The following GSDMC variants were observed in gnomAD, a reference collection of about 807,000 sequenced individuals.
GSDMC encodes the protein gasdermin C.
Under a neutral mutation model 58.0 loss-of-function variants are expected in GSDMC, and 59 were observed. The ratio of observed to expected loss-of-function variants is 1.02; its 90% CI spans 0.82 to 1.26. GSDMC has a LOEUF of 1.26. Ranked by LOEUF, GSDMC falls within the 50% of genes most tolerant of loss-of-function variation. The pLI is 0.00. For synonymous variants in GSDMC, 241 were observed against 220.2 expected (o/e 1.09, Z -0.83); for missense variants, 659 against 598.5 (o/e 1.10, Z -1.06).
At chr8:129,774,192 T>C (rs1348510920) in intron 3 of GSDMC, among the ~76,000 whole-genome samples, 3 of 152,090 alleles carry the variant, frequency 2.0e-5, no homozygotes, top group Non-Finnish European at 4.4e-5. Flanking sequence ...GGCACTTGCA[T>C]AAAAACAGAC....
the GSDMC span, chr8:129,706,709 C>A: frequency 1.3e-5 from 2 of 152,168 alleles, no homozygotes; most frequent in African/African-American, 4.8e-5. Context: ...AGCAACTCCC[C>A]AAAAAGTTCA....
Position 129,748,751 on chromosome 8 carries a change from G to C in GSDMC, c.1288-11C>G. ...CAGGATGCTCCTTACCTAGAAGAAA[G>C]ATGATCAGGTTCTACAGACCAGCCT... On this transcript the variant is annotated splice_polypyrimidine_tract_variant and intron_variant, in intron 13 of 13. Transcript: ENST00000276708. The C allele has an allele frequency of 6.6e-7, 1 of 1,508,204 alleles. No homozygotes were observed. The highest frequency in any genetic ancestry group is 1.4e-5 in the African/African-American group (1 of 70,510). The allele number at this position is 1,508,204 out of a possible 1,614,324, so 93.4% of individuals were successfully genotyped here. A position where few individuals can be genotyped will look rare whatever the true frequency, so the allele number is the denominator to read the frequency against.
chr8:129,735,470 T>C, the GSDMC span, among the ~76,000 whole-genome samples: 3 of 152,176 alleles, frequency 2.0e-5, no homozygotes, highest in Non-Finnish European at 4.4e-5. Context: ...CAGACCACAG[T>C]GCAATCAAAT....
chr8:129,784,922 A>G (rs2034515423), intron 1 of GSDMC, among the ~76,000 whole-genome samples: 1 of 152,186 alleles, frequency 6.6e-6, no homozygotes, highest in Admixed American at 6.5e-5. Context: ...CATAAAAAAG[A>G]ATGAGATTGG....
At chr8:129,747,284 T>C (rs2130303047), downstream of GSDMC, among the ~76,000 whole-genome samples, 1 of 151,668 alleles carries the variant, frequency 6.6e-6, no homozygotes, top group Admixed American at 6.6e-5. Flanking sequence ...TGATAAAGAA[T>C]TAACACTAAA....
chr8:129,712,983 CG>C, the GSDMC span, among the ~76,000 whole-genome samples: 2 of 152,128 alleles, frequency 1.3e-5, no homozygotes, highest in African/African-American at 4.8e-5. Context: ...TCAGGGATGT[CG>C]GGGTGAGGAG....
the GSDMC span, among the ~76,000 whole-genome samples, chr8:129,715,105 A>G: frequency 0.95 from 143,965 of 152,030 alleles, 68,253 homozygotes; most frequent in East Asian, 1. Context: ...AAAGCTCAGA[A>G]AAACCACTAA....
chr8:129,751,230 T>A (rs1404230132), intron 10 of GSDMC, among the ~76,000 whole-genome samples: 1 of 152,170 alleles, frequency 6.6e-6, no homozygotes, highest in Admixed American at 6.5e-5. Flanking sequence ...AAGGGGTGGA[T>A]GCTGGGGGCC....
At chr8:129,749,666 C>T (rs1206906006) in intron 12 of GSDMC, 141 bp from the exon 13 acceptor site, 2 of 676,320 alleles carry the variant, frequency 3.0e-6, no homozygotes, top group African/African-American at 1.8e-5. Flanking sequence ...AAGCTCCCTG[C>T]CCTGGGAAGC....
the GSDMC span, chr8:129,728,999 G>C: frequency 7.5e-6 from 5 of 662,300 alleles, no homozygotes; most frequent in Non-Finnish European, 1.4e-5. Flanking sequence ...CCAAGAGCTT[G>C]CTGCACGATG....
intron 6 of GSDMC, among the ~76,000 whole-genome samples, chr8:129,757,502 C>G (rs1477169164): frequency 6.6e-6 from 1 of 151,842 alleles, no homozygotes; most frequent in Non-Finnish European, 1.5e-5. Context: ...TAGTCCTACT[C>G]AAACTACTCC....
chr8:129,750,335 C>T, intron 11 of GSDMC, 96 bp downstream of exon 11: 1 of 1,293,886 alleles, frequency 7.7e-7, no homozygotes, highest in East Asian at 2.3e-5. Context: ...TGGCATCTTG[C>T]TTATTCTTCC....
At chr8:129,775,506 G>A (rs777534707) in intron 3 of GSDMC, among the ~76,000 whole-genome samples, 4 of 151,564 alleles carry the variant, frequency 2.6e-5, no homozygotes, top group Non-Finnish European at 5.9e-5. Flanking sequence ...GATATTAAAC[G>A]TTCTCACCAC....
chr8:129,751,901 G>T lies in GSDMC; in HGVS notation c.887-10C>A. 1 of 1,565,200 alleles carries T rather than the reference G, an allele frequency of 6.4e-7. No homozygotes were observed. The highest frequency in any genetic ancestry group is 8.7e-7 in the Non-Finnish European group (1 of 1,153,454). On this transcript the variant is annotated splice_polypyrimidine_tract_variant and intron_variant, in intron 8 of 13. Coordinates refer to ENST00000276708, the MANE Select transcript of GSDMC (RefSeq NM_031415.3). ...TGAACTTGTTCGTATTCTAAAAAAAGAAATGAAATTCCTCACCAAAGAGGC... is the reference window on the plus strand; with the variant it reads ...TGAACTTGTTCGTATTCTAAAAAAATAAATGAAATTCCTCACCAAAGAGGC...
At chr8:129,748,823 G>T (rs1377178969) in intron 13 of GSDMC, 83 bp from the exon 14 acceptor site, 2 of 1,164,874 alleles carry the variant, frequency 1.7e-6, no homozygotes, top group African/African-American at 1.6e-5. Context: ...CAGGGGCCAT[G>T]CAGGATAATA....
chr8:129,757,378 G>A (rs2033482241), intron 6 of GSDMC, among the ~76,000 whole-genome samples: 1 of 152,016 alleles, frequency 6.6e-6, no homozygotes, highest in Non-Finnish European at 1.5e-5. Flanking sequence ...GAACAGATCA[G>A]TAATGAGTAA....
At chr8:129,739,257 G>A in the GSDMC span, among the ~76,000 whole-genome samples, 1 of 152,136 alleles carries the variant, frequency 6.6e-6, no homozygotes, top group Admixed American at 6.6e-5. Flanking sequence ...TGTGGCTGGA[G>A]GGAGCAGCTA....
downstream of GSDMC, among the ~76,000 whole-genome samples, chr8:129,744,643 A>G (rs552369965): frequency 6.6e-6 from 1 of 152,182 alleles, no homozygotes; most frequent in African/African-American, 2.4e-5. Flanking sequence ...TCTTCCTCCA[A>G]CTCAATGCTC....
chr8:129,774,537 A>AAAAAGAAAAG (rs948828149), intron 3 of GSDMC, among the ~76,000 whole-genome samples: 3 of 151,796 alleles, frequency 2.0e-5, no homozygotes, highest in Non-Finnish European at 2.9e-5. Context: ...GCAAAAAAAA[A>AAAAAGAAAAG]AAAAGAAAAG....
Sources: gnomAD v4.1 joint callset for allele counts (sites outside exome capture counted in the v4.1 genomes callset) on GRCh38, gnomAD v4.1.1 for gene constraint, MANE v1.5 for transcripts, NCBI Gene and HGNC (gene_info 2026-07-23, HGNC 2026-07-21) for gene names.